The following NREP variants were observed in gnomAD, a reference collection of about 807,000 sequenced individuals.
NREP encodes neuronal regeneration related protein.
NREP carries 5 observed loss-of-function variants against 8.6 expected under a neutral mutation model. That is an observed-to-expected ratio of 0.58 (90% confidence interval 0.30 to 1.22). The LOEUF is 1.22. Among genes scored for constraint, NREP ranks in the 50% most tolerant of loss-of-function variants. The pLI is 0.07. For missense variants in NREP, 86 were observed against 82.5 expected, an observed-to-expected ratio of 1.04 and a Z score of -0.17; for synonymous variants, 27 against 28.0, an observed-to-expected ratio of 0.96 and a Z score of 0.11.
chr5:111,804,999 T>TCAACAACAA lies in NREP; in HGVS notation c.136-69501_136-69493dup, dbSNP rs36062020. On this transcript the variant is annotated intron_variant, in intron 2 of 3. Coordinates refer to the NREP transcript ENST00000395634. ...CTGGGCGACAGAGCGAGACTCCGTC[T>TCAACAACAA]CAACAACAACAACAACAACAAAACG... is the stretch of plus-strand genomic sequence containing the variant. Among the ~76,000 whole-genome samples the TCAACAACAA allele has an allele frequency of 1.5e-4, 23 of 150,706 alleles. 1 individual carries two copies. Among genetic ancestry groups the TCAACAACAA allele is most frequent in the Admixed American group, 4.0e-4 (6 of 15,168 alleles).
intron 2 of NREP, among the ~76,000 whole-genome samples, chr5:111,800,980 C>T (rs1443679630): frequency 6.6e-6 from 1 of 151,692 alleles, no homozygotes; most frequent in Non-Finnish European, 1.5e-5. Context: ...TTGGCTTTAG[C>T]CAAAGGAAAA....
intron 1 of NREP, among the ~76,000 whole-genome samples, chr5:111,975,583 G>A (rs888463479): frequency 6.6e-6 from 1 of 152,022 alleles, no homozygotes; most frequent in Non-Finnish European, 1.5e-5. Context: ...AGGGATGTAG[G>A]GTACTTTAGA....
chr5:111,749,575 A>T (rs1034360100), intron 2 of NREP, among the ~76,000 whole-genome samples: 9 of 152,210 alleles, frequency 5.9e-5, no homozygotes, highest in African/African-American at 1.7e-4. Flanking sequence ...TTGTGATGAC[A>T]TAAGCGTTGG....
intron 2 of NREP, among the ~76,000 whole-genome samples, chr5:111,887,077 C>G (rs144822955): frequency 0.01 from 1,566 of 152,028 alleles, 22 homozygotes; most frequent in African/African-American, 0.035. Flanking sequence ...GTGCATGCCA[C>G]TATGCCCAGC....
chr5:111,960,828 A>C (rs180943451), intron 2 of NREP, among the ~76,000 whole-genome samples: 3 of 152,342 alleles, frequency 2.0e-5, no homozygotes, highest in Admixed American at 6.5e-5. Context: ...TTTACATTAA[A>C]AATGTTAAGC....
At chr5:111,878,457 C>G (rs945461992) in intron 2 of NREP, among the ~76,000 whole-genome samples, 7 of 152,118 alleles carry the variant, frequency 4.6e-5, no homozygotes, top group Admixed American at 4.6e-4. Flanking sequence ...CTCACTATCC[C>G]AAGAACAGCA....
chr5:111,879,697 T>C (rs565091299), intron 2 of NREP, among the ~76,000 whole-genome samples: 1 of 152,302 alleles, frequency 6.6e-6, no homozygotes, highest in East Asian at 1.9e-4. Flanking sequence ...AAAAATTTAT[T>C]TTCTCACAGC....
intron 2 of NREP, among the ~76,000 whole-genome samples, chr5:111,946,232 T>TAA (rs202149736): frequency 2.1e-5 from 3 of 142,256 alleles, no homozygotes; most frequent in Admixed American, 2.1e-4. Context: ...AGTTTCTTTC[T>TAA]AAAAAAAAAA....
intron 2 of NREP, among the ~76,000 whole-genome samples, chr5:111,911,499 A>G (rs1316241195): frequency 6.6e-6 from 1 of 152,052 alleles, no homozygotes; most frequent in African/African-American, 2.4e-5. Flanking sequence ...TTGAGTAAGC[A>G]CATACTAAGT....
chr5:111,753,058 C>CA lies in NREP; in HGVS notation c.3+2711dup, dbSNP rs922857798. On this transcript the variant is annotated intron_variant, in intron 2 of 3. Transcript: ENST00000257435. ...TGAAGACTTAATATCCTACTAATTGCAAAAAAAAACACAAAACTGTGGGGG... is the reference window on the plus strand; with the variant it reads ...TGAAGACTTAATATCCTACTAATTGCAAAAAAAAAACACAAAACTGTGGGGG... Among the ~76,000 whole-genome samples, 672 of 143,896 alleles carry CA rather than the reference C, an allele frequency of 4.7e-3. 10 individuals are homozygous for CA. Among genetic ancestry groups the CA allele is most frequent in the African/African-American group, 0.015 (575 of 39,140 alleles). The allele number at this position is 143,896 out of a possible 152,430, so 94.4% of individuals were successfully genotyped here. A position where few individuals can be genotyped will look rare whatever the true frequency, so the allele number is the denominator to read the frequency against.
intron 2 of NREP, among the ~76,000 whole-genome samples, chr5:111,765,475 G>A (rs980012289): frequency 2.0e-5 from 3 of 152,194 alleles, no homozygotes; most frequent in Non-Finnish European, 4.4e-5. Context: ...GGCACTGTTA[G>A]CTCAAGAACT....
intron 2 of NREP, among the ~76,000 whole-genome samples, chr5:111,882,284 A>T (rs1354198150): frequency 1.3e-5 from 2 of 152,216 alleles, no homozygotes; most frequent in African/African-American, 4.8e-5. Flanking sequence ...TAGAGAAAAA[A>T]GAATAAAAAG....
At chr5:111,792,368 G>C (rs1021243359) in intron 2 of NREP, among the ~76,000 whole-genome samples, 1 of 152,076 alleles carries the variant, frequency 6.6e-6, no homozygotes, top group East Asian at 1.9e-4. Context: ...ACATAGTTAA[G>C]AACAAATTAA....
intron 2 of NREP, among the ~76,000 whole-genome samples, chr5:111,877,854 C>T (rs970940798): frequency 6.6e-6 from 1 of 152,202 alleles, no homozygotes; most frequent in Admixed American, 6.5e-5. Context: ...GTGTTCCCCC[C>T]TCACCAACTA....
intron 2 of NREP, among the ~76,000 whole-genome samples, chr5:111,754,522 AG>A (rs1750581676): frequency 6.6e-6 from 1 of 152,240 alleles, no homozygotes; most frequent in Non-Finnish European, 1.5e-5. Flanking sequence ...AATACTTTAC[AG>A]CAGTTGATTT....
At chr5:111,861,130 G>T (rs953452970) in intron 2 of NREP, among the ~76,000 whole-genome samples, 10 of 152,172 alleles carry the variant, frequency 6.6e-5, no homozygotes, top group African/African-American at 2.2e-4. Flanking sequence ...TCTGAAAGTA[G>T]GAAGTACCAA....
intron 2 of NREP, among the ~76,000 whole-genome samples, chr5:111,897,073 G>C (rs1156823350): frequency 6.6e-6 from 1 of 152,056 alleles, no homozygotes; most frequent in Non-Finnish European, 1.5e-5. Flanking sequence ...ACAGACACCA[G>C]CATAGACTAC....
intron 2 of NREP, among the ~76,000 whole-genome samples, chr5:111,864,533 TAGAC>T (rs1753622849): frequency 6.6e-6 from 1 of 152,066 alleles, no homozygotes; most frequent in African/African-American, 2.4e-5. Flanking sequence ...AAAAAGCAGA[TAGAC>T]AGTATATCTG....
intron 2 of NREP, among the ~76,000 whole-genome samples, chr5:111,813,317 G>A (rs114537906): frequency 0.014 from 2,197 of 152,202 alleles, 26 homozygotes; most frequent in Middle Eastern, 0.024. Flanking sequence ...TGTTGTTACA[G>A]TTTCAATAAA....
Sources: allele counts gnomAD v4.1 joint callset (sites outside exome capture counted in the v4.1 genomes callset), GRCh38; gene constraint gnomAD v4.1.1; transcripts MANE v1.5; gene names NCBI Gene and HGNC (gene_info 2026-07-23, HGNC 2026-07-21).